Variants in ARAP2 observed in about 807,000 individuals in gnomAD.
ARAP2 encodes the protein arf-GAP with Rho-GAP domain, ANK repeat and PH domain-containing protein 2.
ARAP2 carries 148 observed loss-of-function variants against 194.5 expected under a neutral mutation model. The observed-to-expected ratio is 0.76, with a 90% CI of 0.67 to 0.87. The LOEUF is 0.87. Ranked by LOEUF, ARAP2 falls within the 40% of genes least tolerant of loss-of-function variation. The probability of loss-of-function intolerance (pLI) is 0.00; values close to 1 mark genes in which losing one functional copy is unlikely to be tolerated. For synonymous variants in ARAP2, 695 were observed against 683.5 expected, an observed-to-expected ratio of 1.02 and a Z score of -0.26; for missense variants, 2,128 against 1,989.7, an observed-to-expected ratio of 1.07 and a Z score of -1.32.
At chr4:36,126,258 G>A (rs1221684963) in intron 21 of ARAP2, among the ~76,000 whole-genome samples, 2 of 151,954 alleles carry the variant, frequency 1.3e-5, no homozygotes, top group African/African-American at 4.8e-5. Flanking sequence ...TCTAACTGTA[G>A]GAGAAATTGC....
At chr4:36,056,850 T>A (rs1723600944) in intron 2 of ARAP2, among the ~76,000 whole-genome samples, 3 of 152,168 alleles carry the variant, frequency 2.0e-5, no homozygotes, top group Non-Finnish European at 4.4e-5. Flanking sequence ...TTGTAACTAA[T>A]ACAAATAATT....
At chr4:36,177,606 C>T (rs889892962) in intron 9 of ARAP2, among the ~76,000 whole-genome samples, 2 of 152,106 alleles carry the variant, frequency 1.3e-5, no homozygotes, top group South Asian at 2.1e-4. Flanking sequence ...CTCAATACCA[C>T]AAAAGGTGAT....
intron 27 of ARAP2, among the ~76,000 whole-genome samples, chr4:36,105,857 A>T (rs1003485220): frequency 6.6e-6 from 1 of 152,018 alleles, no homozygotes; most frequent in Non-Finnish European, 1.5e-5. Flanking sequence ...ACCTACTAGC[A>T]TTCACACAAC....
At chr4:36,140,613 T>C (rs1728081427) in intron 19 of ARAP2, among the ~76,000 whole-genome samples, 1 of 151,622 alleles carries the variant, frequency 6.6e-6, no homozygotes, top group Non-Finnish European at 1.5e-5. Context: ...GCCTCTGGAG[T>C]ATTGCTAACA....
chr4:36,175,496 G>A (rs747823315), intron 9 of ARAP2, among the ~76,000 whole-genome samples: 2 of 152,060 alleles, frequency 1.3e-5, no homozygotes, highest in East Asian at 1.9e-4. Context: ...GAACGTGGAC[G>A]GCCTTCCTTA....
intron 28 of ARAP2, 109 bp from the exon 29 acceptor site, chr4:36,083,559 TA>T: frequency 2.7e-6 from 2 of 752,298 alleles, no homozygotes; most frequent in South Asian, 3.9e-5. Context: ...CAGTGTTTCA[TA>T]AAACAAACAT....
intron 5 of ARAP2, among the ~76,000 whole-genome samples, chr4:36,019,901 C>A (rs1716591668): frequency 6.6e-6 from 1 of 152,112 alleles, no homozygotes; most frequent in Non-Finnish European, 1.5e-5. Flanking sequence ...TTCCAAGACC[C>A]TCAGTGGATG....
chr4:36,214,372 G>T, intron 3 of ARAP2, 50 bp downstream of exon 3: 1 of 1,471,848 alleles, frequency 6.8e-7, no homozygotes, highest in South Asian at 1.2e-5. Flanking sequence ...ACACAGTTAA[G>T]ACTATCAAAT....
intron 9 of ARAP2, among the ~76,000 whole-genome samples, chr4:36,010,633 T>C (rs535739988): frequency 3.9e-5 from 6 of 152,172 alleles, no homozygotes; most frequent in African/African-American, 4.8e-5. Flanking sequence ...ATCAGATTCA[T>C]GAGGGACCTA....
At chr4:36,184,903 T>C (rs1350129140) in intron 8 of ARAP2, among the ~76,000 whole-genome samples, 1 of 152,184 alleles carries the variant, frequency 6.6e-6, no homozygotes, top group African/African-American at 2.4e-5. Flanking sequence ...TGATTTCAAA[T>C]GGAACTCTCA....
chr4:36,166,328 A>G (rs564390335), intron 10 of ARAP2, among the ~76,000 whole-genome samples: 134 of 152,230 alleles, frequency 8.8e-4, no homozygotes, highest in African/African-American at 3.1e-3. Context: ...TACTAAAACT[A>G]TAGAGTCATT....
intron 1 of ARAP2, among the ~76,000 whole-genome samples, chr4:36,231,815 C>T (rs546955939): frequency 1.3e-5 from 2 of 152,204 alleles, no homozygotes; most frequent in South Asian, 2.1e-4. Flanking sequence ...GGTGACCTAC[C>T]GATTTTACTC....
chr4:36,164,764 T>C (rs561092136), intron 11 of ARAP2, 150 bp downstream of exon 11: 1 of 768,792 alleles, frequency 1.3e-6, no homozygotes, highest in South Asian at 2.0e-5. Flanking sequence ...AAGTTTAGAC[T>C]CATATTTCTG....
At chr4:36,140,139 T>TAC (rs66531233) in intron 19 of ARAP2, among the ~76,000 whole-genome samples, 42,505 of 140,242 alleles carry the variant, frequency 0.3, 6,280 homozygotes, top group African/African-American at 0.35. Context: ...ACAAAAACAA[T>TAC]ACACACACAC....
intron 26 of ARAP2, among the ~76,000 whole-genome samples, chr4:36,111,724 T>C (rs115970835): frequency 6.6e-6 from 1 of 151,980 alleles, no homozygotes; most frequent in Non-Finnish European, 1.5e-5. Flanking sequence ...CATCCCTTGA[T>C]TGCTCAAGAT....
At chr4:36,095,550 A>G (rs1000158154) in intron 27 of ARAP2, among the ~76,000 whole-genome samples, 16 of 152,194 alleles carry the variant, frequency 1.1e-4, no homozygotes, top group Non-Finnish European at 2.1e-4. Context: ...AATTTGTTGT[A>G]GCTTATGAAT....
At chr4:36,209,364 A>G (rs1746244393) in intron 6 of ARAP2, 3 of 453,254 alleles carry the variant, frequency 6.6e-6, no homozygotes, top group South Asian at 1.6e-5. Context: ...AGTGACACAC[A>G]TAGCTGATAG....
intron 8 of ARAP2, among the ~76,000 whole-genome samples, chr4:36,013,222 G>T (rs964410126): frequency 3.3e-5 from 5 of 152,098 alleles, no homozygotes; most frequent in African/African-American, 1.2e-4. Context: ...AAAGACCAAG[G>T]AACTTATCAA....
intron 7 of ARAP2, among the ~76,000 whole-genome samples, chr4:36,189,298 TAC>T (rs925498938): frequency 1.1e-4 from 16 of 152,320 alleles, no homozygotes; most frequent in African/African-American, 3.6e-4. Flanking sequence ...ATTTATGGGA[TAC>T]ATAGTGATGT....
Sources: gnomAD v4.1 joint callset for allele counts (sites outside exome capture counted in the v4.1 genomes callset) on GRCh38, gnomAD v4.1.1 for gene constraint, MANE v1.5 for transcripts, NCBI Gene and HGNC (gene_info 2026-07-23, HGNC 2026-07-21) for gene names.